ITPR2: variants seen among roughly 807,000 people sequenced by gnomAD.
The protein encoded by ITPR2 is inositol 1,4,5-trisphosphate receptor type 2.
In ITPR2, 207 loss-of-function variants were observed where a neutral mutation model predicts 317.1. That is an observed-to-expected ratio of 0.65 (90% CI 0.58 to 0.73). The LOEUF (loss-of-function observed/expected upper bound fraction) is 0.73. ITPR2 is among the 30% of genes least tolerant of loss of function. ITPR2 has a pLI of 0.00. For missense variants in ITPR2, 2,613 were observed against 3,284.0 expected (o/e 0.80, Z 4.99); for synonymous variants, 1,156 against 1,149.1 (o/e 1.01, Z -0.12).
Position 26,387,284 on chromosome 12 carries a change from T to C in ITPR2, c.7857+150A>G, listed in dbSNP as rs1939694679. On this transcript the variant is annotated intron_variant, in intron 55 of 56. Coordinates refer to ENST00000381340, the MANE Select transcript of ITPR2 (RefSeq NM_002223.4). Reference sequence around the variant, plus strand: ...CTGGGAACCAATGACTTAGTCAGTGTAGATGTTCTTCAGTGATTGACAGGC... The same window carrying C: ...CTGGGAACCAATGACTTAGTCAGTGCAGATGTTCTTCAGTGATTGACAGGC... 4 of 740,396 alleles carry C rather than the reference T, an allele frequency of 5.4e-6. No homozygotes were observed. In the Admixed American group the frequency reaches 1.1e-4, roughly 20 times the overall value. The allele number at this position is 740,396 out of a possible 1,614,324, so 45.9% of individuals were successfully genotyped here.
chr12:26,596,852 A>G (rs1177911999), intron 31 of ITPR2, 31 bp downstream of exon 31: 8 of 1,508,960 alleles, frequency 5.3e-6, no homozygotes, highest in South Asian at 4.1e-5. Flanking sequence ...TAATGATTCT[A>G]TTAGAGCTGC....
chr12:26,425,110 T>A (rs994883386), intron 49 of ITPR2, among the ~76,000 whole-genome samples: 2 of 151,594 alleles, frequency 1.3e-5, no homozygotes, highest in Non-Finnish European at 2.9e-5. Context: ...GCTAAAATAT[T>A]TTTTTTTATT....
intron 21 of ITPR2, among the ~76,000 whole-genome samples, chr12:26,634,198 G>A (rs1288535904): frequency 6.6e-6 from 1 of 152,176 alleles, no homozygotes; most frequent in East Asian, 1.9e-4. Context: ...TTTGGTTGGT[G>A]GTGATGAGAA....
intron 32 of ITPR2, among the ~76,000 whole-genome samples, chr12:26,591,803 T>A (rs1945715337): frequency 6.6e-6 from 1 of 150,544 alleles, no homozygotes; most frequent in Admixed American, 6.6e-5. Flanking sequence ...ACCACTGTAC[T>A]CCAGCCTGGG....
At chr12:26,758,827 C>T (rs111419105) in intron 2 of ITPR2, among the ~76,000 whole-genome samples, 2,168 of 152,288 alleles carry the variant, frequency 0.014, 52 homozygotes, top group African/African-American at 0.05. Context: ...TCCACCAGCA[C>T]TTTCTTTTAA....
In ITPR2 at chr12:26,408,037, TAGAA is replaced by T. The variant is rs142337887; in HGVS notation, c.7399+3279_7399+3282del. 2.3e-3 allele frequency among the ~76,000 whole-genome samples: 343 copies of T among 152,324 alleles called. 2 individuals are homozygous for T. Among genetic ancestry groups the T allele is most frequent in the African/African-American group, 8.0e-3 (334 of 41,576 alleles). On this transcript the variant is annotated intron_variant, in intron 52 of 56. Coordinates refer to ENST00000381340, the MANE Select transcript of ITPR2 (RefSeq NM_002223.4). Reference sequence around the variant, plus strand: ...AAGTCTCAACTTAAGTAATTCCTCTTAGAAAGGTCTCTCTGTCTAATCTCCCAAC... The same window carrying T: ...AAGTCTCAACTTAAGTAATTCCTCTTAGGTCTCTCTGTCTAATCTCCCAAC...
chr12:26,750,213 G>C (rs1262506608), intron 2 of ITPR2, among the ~76,000 whole-genome samples: 1 of 152,136 alleles, frequency 6.6e-6, no homozygotes, highest in African/African-American at 2.4e-5. Context: ...AGTAAATTCT[G>C]GATTTTCATT....
chr12:26,732,688 C>T (rs368399954), intron 2 of ITPR2, among the ~76,000 whole-genome samples: 1 of 152,306 alleles, frequency 6.6e-6, no homozygotes. Flanking sequence ...CTGAACCCTA[C>T]GTAGTGTACT....
In ITPR2 at chr12:26,808,137, G is replaced by A. The variant is rs577558140; in HGVS notation, c.93-17910C>T. On this transcript the variant is annotated intron_variant, in intron 1 of 56. Coordinates refer to ENST00000381340, the MANE Select transcript of ITPR2 (RefSeq NM_002223.4). ...AACCATTCTTCACCACCATGGCTGG[G>A]AAAAAATCTGCCAGAGAACAAAGCC... 1.6e-3 allele frequency among the ~76,000 whole-genome samples: 243 copies of A among 152,224 alleles called. 2 individuals carry two copies. The highest frequency in any genetic ancestry group is 5.7e-3 in the African/African-American group (236 of 41,518).
At chr12:26,473,127 T>C (rs773631361) in intron 45 of ITPR2, among the ~76,000 whole-genome samples, 1 of 152,180 alleles carries the variant, frequency 6.6e-6, no homozygotes, top group African/African-American at 2.4e-5. Flanking sequence ...CTTCAAGTGA[T>C]CCACCCACCT....
At chr12:26,391,012 GC>G (rs1378334631) in intron 54 of ITPR2, among the ~76,000 whole-genome samples, 4 of 152,140 alleles carry the variant, frequency 2.6e-5, no homozygotes, top group Non-Finnish European at 5.9e-5. Flanking sequence ...ATAAAGAAGG[GC>G]AAAATGAACT....
intron 52 of ITPR2, among the ~76,000 whole-genome samples, chr12:26,409,725 AG>A (rs1303161994): frequency 6.6e-6 from 1 of 152,158 alleles, no homozygotes; most frequent in Non-Finnish European, 1.5e-5. Context: ...GAGGACATGA[AG>A]GAGAATAAAT....
intron 1 of ITPR2, among the ~76,000 whole-genome samples, chr12:26,817,220 C>T (rs1038869184): frequency 2.8e-5 from 4 of 143,152 alleles, no homozygotes; most frequent in African/African-American, 1.1e-4. Context: ...ACGAACAAAG[C>T]ACAGAGCTAG....
At chr12:26,754,255 T>G (rs1565739274) in intron 2 of ITPR2, among the ~76,000 whole-genome samples, 1 of 152,184 alleles carries the variant, frequency 6.6e-6, no homozygotes. Context: ...GCTAAATGCT[T>G]TAGGGTAATA....
intron 26 of ITPR2, among the ~76,000 whole-genome samples, chr12:26,614,272 G>C (rs1404645844): frequency 1.3e-5 from 2 of 151,892 alleles, no homozygotes; most frequent in Non-Finnish European, 2.9e-5. Context: ...TTCCCTGAAG[G>C]CAAATGACAA....
chr12:26,426,177 G>C (rs1805309251), intron 49 of ITPR2, among the ~76,000 whole-genome samples: 1 of 151,974 alleles, frequency 6.6e-6, no homozygotes, highest in South Asian at 2.1e-4. Flanking sequence ...ATTTCACTTT[G>C]TCAGACTTGG....
chr12:26,472,500 A>AC (rs996590684), intron 45 of ITPR2, among the ~76,000 whole-genome samples: 2 of 152,000 alleles, frequency 1.3e-5, no homozygotes, highest in Non-Finnish European at 2.9e-5. Context: ...TTAAAAAAAA[A>AC]AACAACTTCG....
At chr12:26,816,030 T>G (rs1055186417) in intron 1 of ITPR2, among the ~76,000 whole-genome samples, 3 of 147,606 alleles carry the variant, frequency 2.0e-5, no homozygotes, top group African/African-American at 7.5e-5. Flanking sequence ...GAGGCAGAGC[T>G]TGCAGTGAGC....
At chr12:26,363,151 C>T (rs1353589456) in intron 55 of ITPR2, among the ~76,000 whole-genome samples, 2 of 152,144 alleles carry the variant, frequency 1.3e-5, no homozygotes, top group East Asian at 1.9e-4. Context: ...GCTCCACCTC[C>T]GGTCACAGCA....
Sources: gnomAD v4.1 joint callset for allele counts (sites outside exome capture counted in the v4.1 genomes callset) on GRCh38, gnomAD v4.1.1 for gene constraint, MANE v1.5 for transcripts, NCBI Gene and HGNC (gene_info 2026-07-23, HGNC 2026-07-21) for gene names.